PRKAR2A: variants seen among roughly 807,000 people sequenced by gnomAD.
The protein encoded by PRKAR2A is cAMP-dependent protein kinase type II-alpha regulatory subunit.
PRKAR2A carries 29 observed loss-of-function variants against 51.9 expected under a neutral mutation model. The observed-to-expected ratio is 0.56, with a 90% confidence interval of 0.42 to 0.76. PRKAR2A has a LOEUF of 0.76. PRKAR2A is among the 30% of genes least tolerant of loss of function. The pLI is 0.00. For synonymous variants in PRKAR2A, 178 were observed against 186.2 expected (o/e 0.96, Z 0.36); for missense variants, 445 against 512.1 (o/e 0.87, Z 1.26).
intron 8 of PRKAR2A, among the ~76,000 whole-genome samples, chr3:48,763,419 T>C (rs1218430615): frequency 1.3e-5 from 2 of 152,188 alleles, no homozygotes; most frequent in Admixed American, 6.6e-5. Context: ...GAAAACACTA[T>C]TGACTTCTCA....
chr3:48,781,351 T>G (rs2082194472), intron 5 of PRKAR2A, among the ~76,000 whole-genome samples: 1 of 151,268 alleles, frequency 6.6e-6, no homozygotes, highest in Non-Finnish European at 1.5e-5. Flanking sequence ...TTTACAATTT[T>G]TTTTTTTTGA....
chr3:48,844,551 A>G (rs1215601848), intron 1 of PRKAR2A, among the ~76,000 whole-genome samples: 7 of 151,108 alleles, frequency 4.6e-5, no homozygotes, highest in African/African-American at 9.7e-5. Flanking sequence ...TGTTTATTGC[A>G]GCACTATTCA....
At chr3:48,784,266 C>A (rs1308980246) in intron 4 of PRKAR2A, among the ~76,000 whole-genome samples, 1 of 152,018 alleles carries the variant, frequency 6.6e-6, no homozygotes, top group Non-Finnish European at 1.5e-5. Flanking sequence ...GACTGAAGAC[C>A]TGAAAAGAGA....
intron 8 of PRKAR2A, among the ~76,000 whole-genome samples, chr3:48,760,359 A>AAAAACAAAAC (rs544505910): frequency 1.3e-5 from 2 of 152,064 alleles, no homozygotes; most frequent in African/African-American, 4.8e-5. Flanking sequence ...CTCTGTCTCA[A>AAAAACAAAAC]AAAACAAAAC....
rs375699448 is a variant in PRKAR2A, at chr3:48,847,582, C to A, written c.15G>T (p.Gln5His). The stretch of plus-strand genomic sequence containing the variant: ...GCAGCTCCGTGAGCCCCGGCGGGAT[C>A]TGGATGTGGCTCATGCCGGCGGCGG... MSHIQIPPGLTELLQ... is the reference protein window; with the variant it reads MSHIHIPPGLTELLQ... Residue 5 changes from glutamine to histidine, a missense_variant, in exon 1 of 11, where the codon CAG becomes CAT. Physicochemically the swap from Gln to His is conservative, Grantham distance 24. Coordinates refer to ENST00000265563, the MANE Select transcript of PRKAR2A (RefSeq NM_004157.4). The surrounding 1 kb of genome is among the most constrained non-coding windows in gnomAD (Gnocchi z 4.4). 2.3e-5 allele frequency: 35 copies of A among 1,517,822 alleles called. No individual in the cohort carries two copies. Among genetic ancestry groups the A allele is most frequent in the Non-Finnish European group, 3.0e-5 (34 of 1,138,934 alleles). The allele number at this position is 1,517,822 out of a possible 1,614,324, so 94.0% of individuals were successfully genotyped here.
At chr3:48,829,694 G>A (rs1243612177) in intron 1 of PRKAR2A, among the ~76,000 whole-genome samples, 3 of 138,024 alleles carry the variant, frequency 2.2e-5, no homozygotes, top group Admixed American at 7.1e-5. Context: ...GTGTGTATAC[G>A]TGTGTATATA....
chr3:48,844,665 T>C (rs1339077219), intron 1 of PRKAR2A, among the ~76,000 whole-genome samples: 2 of 149,312 alleles, frequency 1.3e-5, no homozygotes, highest in African/African-American at 4.9e-5. Context: ...CCATAAAAAA[T>C]GATGAGTTCA....
intron 2 of PRKAR2A, among the ~76,000 whole-genome samples, chr3:48,794,796 T>C (rs1031726717): frequency 6.6e-6 from 1 of 152,108 alleles, no homozygotes; most frequent in Non-Finnish European, 1.5e-5. Flanking sequence ...AAGAAAGGAC[T>C]TCCATGAGAA....
chr3:48,789,761 C>T (rs2082353970), intron 4 of PRKAR2A, among the ~76,000 whole-genome samples: 1 of 151,984 alleles, frequency 6.6e-6, no homozygotes, highest in African/African-American at 2.4e-5. Context: ...GCATGAGCCA[C>T]CGCACCCAGC....
chr3:48,796,407 G>T (rs1365170698), intron 2 of PRKAR2A, among the ~76,000 whole-genome samples: 2 of 152,084 alleles, frequency 1.3e-5, no homozygotes, highest in Non-Finnish European at 2.9e-5. Flanking sequence ...CTCTATTTCA[G>T]CTCCTTTAAC....
intron 5 of PRKAR2A, among the ~76,000 whole-genome samples, chr3:48,782,365 T>C: frequency 6.6e-6 from 1 of 152,172 alleles, no homozygotes; most frequent in Admixed American, 6.5e-5. Context: ...AAGGAATCAA[T>C]TCACTTGACA....
chr3:48,770,198 T>C (rs576857106), intron 6 of PRKAR2A, among the ~76,000 whole-genome samples: 2 of 152,270 alleles, frequency 1.3e-5, no homozygotes, highest in African/African-American at 2.4e-5. Context: ...TAGCCTTTGA[T>C]GAGCATCCAA....
At chr3:48,811,305 AAAAC>A (rs778152815) in intron 1 of PRKAR2A, among the ~76,000 whole-genome samples, 7 of 152,282 alleles carry the variant, frequency 4.6e-5, no homozygotes, top group Middle Eastern at 3.4e-3. Flanking sequence ...CGTCTCTACA[AAAAC>A]AAACAAACAA....
chr3:48,797,005 GGCC>G (rs2082504927), intron 2 of PRKAR2A, among the ~76,000 whole-genome samples: 1 of 151,758 alleles, frequency 6.6e-6, no homozygotes, highest in African/African-American at 2.4e-5. Context: ...TTCACTCATA[GGCC>G]CTGTATTGTT....
chr3:48,817,849 A>C (rs2082899372), intron 1 of PRKAR2A, among the ~76,000 whole-genome samples: 1 of 152,080 alleles, frequency 6.6e-6, no homozygotes, highest in Non-Finnish European at 1.5e-5. Context: ...GCCCCAAATA[A>C]GAAATGACAT....
At chr3:48,745,429 T>A (rs1039447090), downstream of PRKAR2A, among the ~76,000 whole-genome samples, 1 of 152,134 alleles carries the variant, frequency 6.6e-6, no homozygotes, top group Admixed American at 6.6e-5. Flanking sequence ...CATGTTGTGA[T>A]TGCTAATTTT....
At chr3:48,764,233 A>C (rs534428441) in intron 8 of PRKAR2A, among the ~76,000 whole-genome samples, 2 of 152,342 alleles carry the variant, frequency 1.3e-5, no homozygotes, top group African/African-American at 2.4e-5. Flanking sequence ...GCGGACAAAG[A>C]AAATTATCAG....
chr3:48,765,784 T>A (rs189634535), intron 6 of PRKAR2A, among the ~76,000 whole-genome samples: 1 of 144,950 alleles, frequency 6.9e-6, no homozygotes, highest in Admixed American at 6.9e-5. Flanking sequence ...AAAACAATCA[T>A]TTAATCCTTA....
intron 1 of PRKAR2A, among the ~76,000 whole-genome samples, chr3:48,835,088 C>T (rs1425818699): frequency 6.6e-6 from 1 of 151,860 alleles, no homozygotes; most frequent in African/African-American, 2.4e-5. Context: ...CTTCCCACCT[C>T]AGCCTCCAGA....
Sources: allele counts gnomAD v4.1 joint callset (sites outside exome capture counted in the v4.1 genomes callset), GRCh38; gene constraint gnomAD v4.1.1; non-coding constraint Gnocchi (gnomAD v3.1); transcripts MANE v1.5; gene names NCBI Gene and HGNC (gene_info 2026-07-23, HGNC 2026-07-21).